The following ANKFN1 variants were observed in gnomAD, a reference collection of about 807,000 sequenced individuals.
ANKFN1 encodes ankyrin repeat and fibronectin type-III domain-containing protein 1.
In ANKFN1, 74 loss-of-function variants were observed where a neutral mutation model predicts 108.7. That is an observed-to-expected ratio of 0.68 (90% CI 0.56 to 0.83). The LOEUF is 0.83. Ranked by LOEUF, ANKFN1 falls within the 40% of genes least tolerant of loss-of-function variation. The probability of loss-of-function intolerance (pLI) is 0.00; values close to 1 mark genes in which losing one functional copy is unlikely to be tolerated. For synonymous variants in ANKFN1, 547 were observed against 516.2 expected, an observed-to-expected ratio of 1.06 and a Z score of -0.81; for missense variants, 1,505 against 1,382.3, an observed-to-expected ratio of 1.09 and a Z score of -1.41.
At chr17:56,420,841 G>A (rs1251694178) in intron 8 of ANKFN1, among the ~76,000 whole-genome samples, 1 of 151,894 alleles carries the variant, frequency 6.6e-6, no homozygotes, top group Non-Finnish European at 1.5e-5. Flanking sequence ...CCAAGTAGCT[G>A]GGACTACAGG....
At chr17:56,196,168 T>A (rs1222685172) in intron 1 of ANKFN1, among the ~76,000 whole-genome samples, 1 of 151,968 alleles carries the variant, frequency 6.6e-6, no homozygotes, top group East Asian at 1.9e-4. Flanking sequence ...CTTGGGAGGA[T>A]TGACTTGAGC....
intron 2 of ANKFN1, among the ~76,000 whole-genome samples, chr17:56,213,352 C>T (rs1346807023): frequency 6.6e-6 from 1 of 152,164 alleles, no homozygotes; most frequent in Non-Finnish European, 1.5e-5. Context: ...CTGTAACCAA[C>T]AAGCCTACCC....
At chr17:56,322,285 C>T (rs913364205) in intron 3 of ANKFN1, among the ~76,000 whole-genome samples, 5 of 152,174 alleles carry the variant, frequency 3.3e-5, no homozygotes, top group African/African-American at 1.2e-4. Context: ...TCCCCATCCC[C>T]CACCTATACT....
At chr17:56,280,008 C>CTTTTTTTTTTTTT (rs3086033) in intron 3 of ANKFN1, among the ~76,000 whole-genome samples, 51 of 134,846 alleles carry the variant, frequency 3.8e-4, no homozygotes, top group African/African-American at 1.4e-3. Context: ...CACATAATGT[C>CTTTTTTTTTTTTT]TTTTTTTTTT....
At chr17:56,046,170 G>A (rs1314256688) in exon 4 of ANKFN1, 1 of 152,520 alleles carries the variant, frequency 6.6e-6, no homozygotes, top group Non-Finnish European at 1.5e-5. Context: ...GTTCATCTGG[G>A]GAATCTCAGA....
intron 4 of ANKFN1, among the ~76,000 whole-genome samples, chr17:56,051,937 A>G (rs1904783936): frequency 6.7e-6 from 1 of 149,030 alleles, no homozygotes; most frequent in Non-Finnish European, 1.5e-5. Context: ...AACAAATGGA[A>G]GAACATTCCA....
At chr17:56,464,970 T>G (rs1451086057) in intron 14 of ANKFN1, among the ~76,000 whole-genome samples, 1 of 152,204 alleles carries the variant, frequency 6.6e-6, no homozygotes, top group Non-Finnish European at 1.5e-5. Flanking sequence ...GAGAGCCAAC[T>G]GTTAAATATT....
At chr17:56,452,360 G>T (rs1387002467) in intron 11 of ANKFN1, among the ~76,000 whole-genome samples, 1 of 152,150 alleles carries the variant, frequency 6.6e-6, no homozygotes, top group Non-Finnish European at 1.5e-5. Context: ...AAGCCACAAG[G>T]TTCTTAGGAG....
chr17:56,177,115 T>G (rs1024193832), intron 1 of ANKFN1, among the ~76,000 whole-genome samples: 1 of 152,136 alleles, frequency 6.6e-6, no homozygotes, highest in Non-Finnish European at 1.5e-5. Context: ...CTTTTCTCCT[T>G]GGTGAATGAC....
chr17:56,309,575 A>G (rs911849971), intron 3 of ANKFN1, among the ~76,000 whole-genome samples: 6 of 152,082 alleles, frequency 3.9e-5, no homozygotes, highest in Admixed American at 6.5e-5. Flanking sequence ...AGATTGGAAG[A>G]ATTTTCTAAA....
chr17:56,437,659 T>G (rs767076439), intron 8 of ANKFN1, among the ~76,000 whole-genome samples: 20 of 152,240 alleles, frequency 1.3e-4, no homozygotes, highest in Non-Finnish European at 1.3e-4. Context: ...ATTCTCTGAT[T>G]ACAAACCTTC....
intron 19 of ANKFN1, among the ~76,000 whole-genome samples, chr17:56,494,882 G>T (rs571607237): frequency 1.3e-5 from 2 of 152,250 alleles, no homozygotes; most frequent in Non-Finnish European, 1.5e-5. Flanking sequence ...TCAGTCTGTT[G>T]TGTTCTCAAA....
At chr17:56,399,965 T>G (rs2047711174) in intron 8 of ANKFN1, among the ~76,000 whole-genome samples, 1 of 149,566 alleles carries the variant, frequency 6.7e-6, no homozygotes, top group Non-Finnish European at 1.5e-5. Flanking sequence ...ATATCACAAT[T>G]TTTTTAATCC....
intron 8 of ANKFN1, among the ~76,000 whole-genome samples, chr17:56,389,400 T>C (rs1307340863): frequency 6.6e-6 from 1 of 152,102 alleles, no homozygotes; most frequent in Non-Finnish European, 1.5e-5. Context: ...GAGAAGAGGG[T>C]GTGTATAGCT....
At chr17:56,311,416 A>G (rs1272222568) in intron 3 of ANKFN1, among the ~76,000 whole-genome samples, 1 of 152,212 alleles carries the variant, frequency 6.6e-6, no homozygotes, top group East Asian at 1.9e-4. Context: ...CCAAAAATCC[A>G]AAATCCAAAA....
At chr17:56,458,100 A>G in intron 14 of ANKFN1, 121 bp downstream of exon 14, 1 of 789,926 alleles carries the variant, frequency 1.3e-6, no homozygotes, top group Non-Finnish European at 2.0e-6. Context: ...ACCCCTAAGA[A>G]TATGAAGTTT....
chr17:56,486,450 A>G (rs1157976029), intron 18 of ANKFN1, among the ~76,000 whole-genome samples: 3 of 152,214 alleles, frequency 2.0e-5, no homozygotes, highest in Admixed American at 6.5e-5. Flanking sequence ...CTTGGTCTCA[A>G]TAAGAATCAT....
chr17:56,061,265 C>CTTTTTTCTT (rs1904970197), intron 4 of ANKFN1, among the ~76,000 whole-genome samples: 1 of 72,914 alleles, frequency 1.4e-5, no homozygotes, highest in African/African-American at 5.6e-5. Flanking sequence ...GGTAGTTTTT[C>CTTTTTTCTT]TTTTTTTTTT....
At position 56,511,062 on chromosome 17, in the gene ANKFN1, C is replaced by T; in HGVS notation, c.3234C>T (p.Ser1078=). 6.5e-7 allele frequency: 1 copy of T among 1,536,014 alleles called. No homozygotes were observed. The highest frequency in any genetic ancestry group is 8.7e-7 in the Non-Finnish European group (1 of 1,146,880). Residue 1078 remains serine (S), a synonymous_variant, in exon 21 of 21, where the codon AGC becomes AGT. Coordinates refer to ENST00000682825, the MANE Select transcript of ANKFN1 (RefSeq NM_001370326.1). ...CCAGCCTTCCTGAGGAGCGGAACAGCAGTCTCCAGGACGCGAGGCCTTCCG... is the reference window on the plus strand; with the variant it reads ...CCAGCCTTCCTGAGGAGCGGAACAGTAGTCTCCAGGACGCGAGGCCTTCCG... The part of the protein sequence containing the change: ...HAASLPEERN[S]SLQDARPSVR...
Sources: allele counts gnomAD v4.1 joint callset (sites outside exome capture counted in the v4.1 genomes callset), GRCh38; gene constraint gnomAD v4.1.1; transcripts MANE v1.5; gene names NCBI Gene and HGNC (gene_info 2026-07-23, HGNC 2026-07-21).